The following MRPL45 variants were observed in gnomAD, a reference collection of about 807,000 sequenced individuals.
MRPL45 encodes mitochondrial ribosomal protein L45.
A neutral mutation model predicts 38.1 loss-of-function variants in MRPL45; 20 were observed. The observed-to-expected ratio is 0.53, with a 90% CI of 0.37 to 0.76. The LOEUF (loss-of-function observed/expected upper bound fraction) is 0.76, where lower values mean the gene tolerates loss of function less well. MRPL45 is among the 30% of genes least tolerant of loss of function. The pLI is 0.00. For missense variants in MRPL45, 337 were observed against 395.6 expected (o/e 0.85, Z 1.26); for synonymous variants, 105 against 128.8 (o/e 0.82, Z 1.25).
chr17:38,322,245 A>G lies in MRPL45; in HGVS notation c.780A>G (p.Arg260=), dbSNP rs142869517. Residue 260 remains arginine, a synonymous_variant, in exon 7 of 8, where the codon AGA becomes AGG. Coordinates refer to ENST00000613675, the MANE Select transcript of MRPL45 (RefSeq NM_032351.6). ...TGACAAACCCCTATGGAAGCTGGAG[A>G]ATGCATACCAAGATCGTTCCCCCAT... ...KQLTNPYGSW[R]MHTKIVPPWA... is the part of the protein sequence containing the mutation. The G allele has an allele frequency of 6.8e-6, 11 of 1,613,952 alleles. No individual in the cohort carries two copies. The highest frequency in any genetic ancestry group is 1.6e-4 in the Middle Eastern group (1 of 6,084).
chr17:38,318,761 G>A (rs756917153), intron 5 of MRPL45, 26 bp downstream of exon 5: 3 of 1,551,132 alleles, frequency 1.9e-6, no homozygotes, highest in Non-Finnish European at 1.8e-6. Context: ...CCTTAGAACT[G>A]TGGGGTGACT....
At chr17:38,313,311 A>AAAT (rs1311544521) in intron 4 of MRPL45, among the ~76,000 whole-genome samples, 6 of 7,866 alleles carry the variant, frequency 7.6e-4, no homozygotes, top group African/African-American at 9.8e-4. Context: ...AAAAAAAAAA[A>AAAT]ATATATATAT....
At chr17:38,313,839 T>C (rs1163159573) in intron 4 of MRPL45, among the ~76,000 whole-genome samples, 5 of 151,312 alleles carry the variant, frequency 3.3e-5, no homozygotes, top group Non-Finnish European at 7.4e-5. Flanking sequence ...ATTTTTGTAG[T>C]TTTAGTAGAG....
chr17:38,306,267 C>T (rs139296691), intron 3 of MRPL45, among the ~76,000 whole-genome samples: 2,184 of 151,908 alleles, frequency 0.014, 33 homozygotes, highest in Non-Finnish European at 0.019. Flanking sequence ...AATTTAGCCG[C>T]GTGTGGTCGC....
intron 4 of MRPL45, among the ~76,000 whole-genome samples, chr17:38,315,650 G>C (rs1003791323): frequency 2.0e-5 from 3 of 150,842 alleles, no homozygotes; most frequent in Non-Finnish European, 1.5e-5. Context: ...ATTTCTTTCA[G>C]TTTATCTTGC....
chr17:38,322,350 C>T (rs1388969302), intron 7 of MRPL45, 51 bp downstream of exon 7: 2 of 1,580,040 alleles, frequency 1.3e-6, no homozygotes, highest in South Asian at 1.1e-5. Flanking sequence ...TCGTGGTCTC[C>T]TAAGCCACTC....
intron 4 of MRPL45, among the ~76,000 whole-genome samples, chr17:38,316,733 A>G (rs1414616872): frequency 9.7e-6 from 1 of 103,480 alleles, no homozygotes; most frequent in African/African-American, 4.3e-5. Flanking sequence ...GCAGTGGTGC[A>G]ATCCAAAAAA....
intron 3 of MRPL45, among the ~76,000 whole-genome samples, chr17:38,301,840 G>A (rs980700840): frequency 3.9e-5 from 6 of 152,070 alleles, no homozygotes; most frequent in South Asian, 2.1e-4. Context: ...GATAATGGCC[G>A]GGCGAGGTGG....
At chr17:38,300,786 A>G (rs956500794) in intron 3 of MRPL45, among the ~76,000 whole-genome samples, 3 of 152,122 alleles carry the variant, frequency 2.0e-5, no homozygotes, top group African/African-American at 7.2e-5. Flanking sequence ...ATCTCTACTA[A>G]AAATGCAAAA....
At chr17:38,313,367 CGTATATATATATATAT>C (rs2037143088) in intron 4 of MRPL45, among the ~76,000 whole-genome samples, 4 of 17,080 alleles carry the variant, frequency 2.3e-4, no homozygotes, top group African/African-American at 1.1e-3. Context: ...TATATATATA[CGTATATATATATATAT>C]ACATATATAT....
chr17:38,316,607 G>A (rs1203324859), intron 4 of MRPL45, among the ~76,000 whole-genome samples: 3 of 151,482 alleles, frequency 2.0e-5, no homozygotes, highest in Non-Finnish European at 2.9e-5. Context: ...CCAGGAGTTC[G>A]AGACCAGCCT....
intron 7 of MRPL45, 73 bp downstream of exon 7, chr17:38,322,372 A>T (rs1210069752): frequency 1.5e-6 from 2 of 1,296,344 alleles, no homozygotes; most frequent in African/African-American, 3.6e-5. Flanking sequence ...GTCGGGCTCC[A>T]CCTAGTGGCG....
chr17:38,307,200 A>AT (rs2037063922), intron 4 of MRPL45, among the ~76,000 whole-genome samples: 1 of 151,692 alleles, frequency 6.6e-6, no homozygotes, highest in Non-Finnish European at 1.5e-5. Context: ...CATCCAGCTA[A>AT]TTTTTTTGTA....
intron 6 of MRPL45, among the ~76,000 whole-genome samples, 161 bp downstream of exon 6, chr17:38,320,928 C>G (rs1259025096): frequency 6.6e-6 from 1 of 152,134 alleles, no homozygotes; most frequent in East Asian, 1.9e-4. Context: ...CCCACTGTTA[C>G]ATGTTGGCTC....
In MRPL45 at chr17:38,298,700, A is replaced by G. The variant is rs982199098; in HGVS notation, c.244+74A>G. ...TCTGGAACTTGGGATGACTTGGACT[A>G]TGATTGATAATATTTAATTAAGCAC... On this transcript the variant is annotated intron_variant, in intron 2 of 7. Transcript: ENST00000613675. 11 of 1,469,372 alleles carry G rather than the reference A, an allele frequency of 7.5e-6. No homozygotes were observed. The African/African-American group carries it at 1.3e-4, about 17-fold the overall frequency. The allele number at this position is 1,469,372 out of a possible 1,614,324, so 91.0% of individuals were successfully genotyped here.
Position 38,314,700 on chromosome 17 carries a change from C to T in MRPL45, c.462-3987C>T, listed in dbSNP as rs868365232. 1.3e-4 allele frequency among the ~76,000 whole-genome samples: 20 copies of T among 152,098 alleles called. No homozygotes were observed. The South Asian group carries it at 3.9e-3, about 30-fold the overall frequency. On this transcript the variant is annotated intron_variant, in intron 4 of 7. Transcript: ENST00000613675. ...TGCATGAGAATATTCATTTTTCTAG[C>T]ACCATTTATTGAAGAGACTGTGCTT...
At chr17:38,302,591 G>A (rs556139221) in intron 3 of MRPL45, among the ~76,000 whole-genome samples, 2 of 146,536 alleles carry the variant, frequency 1.4e-5, no homozygotes, top group Non-Finnish European at 3.0e-5. Flanking sequence ...AACAGTACAA[G>A]CAAGGCTTTG....
chr17:38,302,116 CAAAAAA>C lies in MRPL45; in HGVS notation c.362+2664_362+2669del, dbSNP rs67699213. 2.6e-4 allele frequency among the ~76,000 whole-genome samples: 20 copies of C among 75,582 alleles called. No individual in the cohort carries two copies. The South Asian group carries it at 6.3e-3, about 24-fold the overall frequency. 49.6% of individuals were successfully genotyped at this position (75,582 alleles called of 152,430 possible). On this transcript the variant is annotated intron_variant, in intron 3 of 7. Coordinates refer to ENST00000613675, the MANE Select transcript of MRPL45 (RefSeq NM_032351.6). ...TGGGCGACAGAGCAAGACTCCGTCT[CAAAAAA>C]AAAAAAAAAAAAAAAGATAACTTGG...
chr17:38,313,296 T>A (rs2144225893), intron 4 of MRPL45, among the ~76,000 whole-genome samples: 1 of 10,754 alleles, frequency 9.3e-5, no homozygotes, highest in African/African-American at 1.5e-4. Context: ...TTCCTTTCTA[T>A]TAAAAAAAAA....
Sources: gnomAD v4.1 joint callset for allele counts (sites outside exome capture counted in the v4.1 genomes callset) on GRCh38, gnomAD v4.1.1 for gene constraint, MANE v1.5 for transcripts, NCBI Gene and HGNC (gene_info 2026-07-23, HGNC 2026-07-21) for gene names.